The following DSCAM variants were observed in gnomAD, a reference collection of about 807,000 sequenced individuals.
DSCAM encodes cell adhesion molecule DSCAM.
In DSCAM, 47 loss-of-function variants were observed where a neutral mutation model predicts 217.7. That is an observed-to-expected ratio of 0.22 (90% CI 0.17 to 0.28). DSCAM has a LOEUF of 0.28. DSCAM is among the 10% of genes least tolerant of loss of function. The probability of loss-of-function intolerance (pLI) is 1.00; values close to 1 mark genes in which losing one functional copy is unlikely to be tolerated. For synonymous variants in DSCAM, 1,056 were observed against 1,015.3 expected, an observed-to-expected ratio of 1.04 and a Z score of -0.76; for missense variants, 2,080 against 2,618.3, an observed-to-expected ratio of 0.79 and a Z score of 4.49.
intron 3 of DSCAM, among the ~76,000 whole-genome samples, chr21:40,671,508 C>CA (rs1264741677): frequency 9.2e-5 from 14 of 151,434 alleles, no homozygotes; most frequent in East Asian, 3.9e-4. Context: ...ACTCCCCCCC[C>CA]GCACCGTCTC....
chr21:40,188,088 A>T (rs752950804), intron 12 of DSCAM, 101 bp from the exon 13 acceptor site: 1 of 770,110 alleles, frequency 1.3e-6, no homozygotes, highest in Non-Finnish European at 2.1e-6. Context: ...CTGCCATGCC[A>T]AGCACACACA....
At chr21:40,477,950 A>G (rs545388619) in intron 3 of DSCAM, among the ~76,000 whole-genome samples, 52 of 152,204 alleles carry the variant, frequency 3.4e-4, no homozygotes, top group African/African-American at 1.0e-3. Context: ...ACCCACATTT[A>G]GGTAGAGAAA....
chr21:40,031,945 C>A (rs2088533098), intron 32 of DSCAM, among the ~76,000 whole-genome samples: 1 of 152,164 alleles, frequency 6.6e-6, no homozygotes, highest in Admixed American at 6.5e-5. Flanking sequence ...TTGCCTTGAC[C>A]CCTGGTCTCC....
At chr21:40,403,861 T>C (rs1038539173) in intron 3 of DSCAM, among the ~76,000 whole-genome samples, 3 of 152,186 alleles carry the variant, frequency 2.0e-5, no homozygotes, top group Non-Finnish European at 4.4e-5. Flanking sequence ...AAGTTTTAAG[T>C]GTTCAGAACA....
intron 3 of DSCAM, among the ~76,000 whole-genome samples, chr21:40,461,895 C>T (rs910165233): frequency 6.6e-6 from 1 of 152,114 alleles, no homozygotes; most frequent in African/African-American, 2.4e-5. Flanking sequence ...GCTCTAGAGC[C>T]CCCAGAAAGG....
At chr21:40,386,808 T>G (rs998216667) in intron 3 of DSCAM, among the ~76,000 whole-genome samples, 8 of 152,170 alleles carry the variant, frequency 5.3e-5, no homozygotes, top group African/African-American at 1.9e-4. Context: ...CCACGTTTAT[T>G]TATATTATTT....
chr21:40,716,477 G>T (rs996556891), intron 1 of DSCAM, among the ~76,000 whole-genome samples: 1 of 152,030 alleles, frequency 6.6e-6, no homozygotes, highest in African/African-American at 2.4e-5. Flanking sequence ...TGAAATTCAG[G>T]GTTGAAAATC....
At chr21:40,192,230 C>T (rs1342060139) in intron 11 of DSCAM, among the ~76,000 whole-genome samples, 1 of 152,078 alleles carries the variant, frequency 6.6e-6, no homozygotes, top group African/African-American at 2.4e-5. Flanking sequence ...ACTAATCTAC[C>T]TTCTCTCCCT....
At chr21:40,262,762 G>A (rs1473789579) in intron 11 of DSCAM, among the ~76,000 whole-genome samples, 1 of 152,204 alleles carries the variant, frequency 6.6e-6, no homozygotes, top group Admixed American at 6.5e-5. Context: ...ATAGAAATGA[G>A]GTACAAGGAC....
intron 32 of DSCAM, among the ~76,000 whole-genome samples, chr21:40,038,746 A>G (rs2088681131): frequency 6.9e-6 from 1 of 145,418 alleles, no homozygotes; most frequent in Non-Finnish European, 1.5e-5. Flanking sequence ...TATTCACAAT[A>G]GCAAAGACTT....
intron 8 of DSCAM, 69 bp downstream of exon 8, chr21:40,338,032 A>G: frequency 6.4e-7 from 1 of 1,568,076 alleles, no homozygotes; most frequent in Non-Finnish European, 8.7e-7. Context: ...ACCCGACTTC[A>G]AATCATTGGT....
chr21:40,020,548 G>A (rs978517286), intron 32 of DSCAM, among the ~76,000 whole-genome samples: 187 of 151,650 alleles, frequency 1.2e-3, no homozygotes, highest in African/African-American at 4.1e-3. Flanking sequence ...AGAGAGAGAG[G>A]AGAGAGATAT....
chr21:40,201,599 G>T (rs1042025333), intron 11 of DSCAM, among the ~76,000 whole-genome samples: 3 of 152,018 alleles, frequency 2.0e-5, no homozygotes, highest in African/African-American at 7.2e-5. Flanking sequence ...GCTCCACCAT[G>T]CCTGGCTGAT....
intron 11 of DSCAM, among the ~76,000 whole-genome samples, chr21:40,256,609 T>TA (rs60697748): frequency 0.094 from 14,329 of 152,218 alleles, 1,568 homozygotes; most frequent in African/African-American, 0.25. Context: ...GCATCTCCTC[T>TA]TTCTTCCAGG....
intron 1 of DSCAM, among the ~76,000 whole-genome samples, chr21:40,830,610 C>T (rs1196930115): frequency 6.6e-6 from 1 of 152,196 alleles, no homozygotes; most frequent in Non-Finnish European, 1.5e-5. Context: ...CCTGCTTCCA[C>T]CCCGGCTCAA....
chr21:40,350,183 G>T (rs1031734559), intron 5 of DSCAM, among the ~76,000 whole-genome samples: 1 of 151,960 alleles, frequency 6.6e-6, no homozygotes, highest in Non-Finnish European at 1.5e-5. Context: ...CCATAGAAAC[G>T]CTAGAAGAAA....
rs1255509729 is a variant in DSCAM at position 40,078,965 on chromosome 21, G to A, written c.4433C>T (p.Ser1478Leu). Reference sequence around the variant, plus strand: ...GCTGGCAAACAGCTCCTGCTCCTTTGAGAACTGGGGCTCTGGGGGAGAAGG... The same window carrying A: ...GCTGGCAAACAGCTCCTGCTCCTTTAAGAACTGGGGCTCTGGGGGAGAAGG... The part of the protein sequence containing the change: ...AKTLGKEPQF[S>L]KEQELFASIN... Residue 1478 changes from serine (S) to leucine (L), a missense_variant, in exon 26 of 33, where the codon TCA (serine) becomes TTA (leucine). By Grantham distance (145) the Ser-to-Leu change is moderately radical. This residue lies in a region of DSCAM where 1,144 missense variants were observed against 1,421.1 expected (regional missense o/e 0.81). Coordinates refer to ENST00000400454, the MANE Select transcript of DSCAM (RefSeq NM_001389.5). 1.2e-6 allele frequency: 2 copies of A among 1,613,656 alleles called. No individual in the cohort carries two copies. The highest frequency in any genetic ancestry group is 2.2e-5 in the East Asian group (1 of 44,884).
At chr21:40,510,845 C>G (rs923276045) in intron 3 of DSCAM, among the ~76,000 whole-genome samples, 32 of 152,290 alleles carry the variant, frequency 2.1e-4, no homozygotes, top group African/African-American at 6.5e-4. Flanking sequence ...AGACCCTACC[C>G]AGGGACCGCA....
intron 3 of DSCAM, among the ~76,000 whole-genome samples, chr21:40,434,789 A>G (rs2075568284): frequency 6.6e-6 from 1 of 152,192 alleles, no homozygotes; most frequent in African/African-American, 2.4e-5. Context: ...GTGTCACAAA[A>G]AAACACCCGA....
Sources: allele counts gnomAD v4.1 joint callset (sites outside exome capture counted in the v4.1 genomes callset), GRCh38; gene constraint gnomAD v4.1.1; regional missense constraint gnomAD v4.1.1; transcripts MANE v1.5; gene names NCBI Gene and HGNC (gene_info 2026-07-23, HGNC 2026-07-21).